The following FOXJ3 variants were observed in gnomAD, a reference collection of about 807,000 sequenced individuals.
The protein encoded by FOXJ3 is forkhead box protein J3.
Under a neutral mutation model 76.1 loss-of-function variants are expected in FOXJ3, and 22 were observed. That is an observed-to-expected ratio of 0.29 (90% CI 0.21 to 0.41). The LOEUF (loss-of-function observed/expected upper bound fraction) is 0.41. FOXJ3 is among the 10% of genes least tolerant of loss of function. The pLI is 1.00. For missense variants in FOXJ3, 613 were observed against 762.1 expected (o/e 0.80, Z 2.30); for synonymous variants, 269 against 261.2 (o/e 1.03, Z -0.29).
At position 42,191,424 on chromosome 1, in the gene FOXJ3, G is replaced by A. The variant is rs147228468; in HGVS notation, c.1230C>T (p.Leu410=). 2 of 1,612,072 alleles carry A rather than the reference G, an allele frequency of 1.2e-6. No homozygotes were observed. The highest frequency in any genetic ancestry group is 2.7e-5 in the African/African-American group (2 of 74,878). Residue 410 remains leucine (L), a synonymous_variant, in exon 9 of 13, where the codon CTC becomes CTT. Coordinates refer to ENST00000361346, the MANE Select transcript of FOXJ3 (RefSeq NM_014947.5). ...PAPHPQQHSQ[L]QSPHPQHPSP... is the part of the protein sequence containing the mutation. ...AGGGATGCTGGGGGTGAGGGGACTG[G>A]AGCTGGCTGTGTTGCTGTGGGTGTG...
chr1:42,322,937 C>T (rs2479455), intron 1 of FOXJ3, among the ~76,000 whole-genome samples: 111,824 of 151,970 alleles, frequency 0.74, 41,297 homozygotes, highest in Admixed American at 0.81. Flanking sequence ...GAGGGTTTTT[C>T]GTTTTGTTTT....
chr1:42,250,423 C>G (rs544085605), intron 4 of FOXJ3, among the ~76,000 whole-genome samples: 2 of 152,146 alleles, frequency 1.3e-5, no homozygotes, highest in Non-Finnish European at 2.9e-5. Context: ...TGTCCAGGAA[C>G]TATTAAATAA....
At chr1:42,280,224 ATAAAG>A (rs1264336114) in intron 2 of FOXJ3, 4 of 814,382 alleles carry the variant, frequency 4.9e-6, no homozygotes, top group African/African-American at 1.8e-5. Context: ...CCAATGCACT[ATAAAG>A]TAAACCACAT....
intron 1 of FOXJ3, among the ~76,000 whole-genome samples, chr1:42,331,563 A>G (rs1194693119): frequency 2.0e-5 from 3 of 152,168 alleles, no homozygotes; most frequent in African/African-American, 7.2e-5. Context: ...TCAGACACAA[A>G]AGACCGTATG....
chr1:42,252,326 T>A (rs1650159310), intron 4 of FOXJ3, among the ~76,000 whole-genome samples: 5 of 152,234 alleles, frequency 3.3e-5, no homozygotes, highest in African/African-American at 2.4e-5. Flanking sequence ...ATTCAGAGAT[T>A]CAATTTCTTC....
At chr1:42,208,530 G>C (rs959072573) in intron 5 of FOXJ3, among the ~76,000 whole-genome samples, 13 of 152,140 alleles carry the variant, frequency 8.5e-5, no homozygotes, top group Admixed American at 2.0e-4. Context: ...GGTATAGAAG[G>C]AACATTCCTC....
At position 42,271,217 on chromosome 1, in the gene FOXJ3, T is replaced by C. The variant is rs112213766; in HGVS notation, c.370-6028A>G. ...CCAAAAGTTTCTTCAATTTGCTTTT[T>C]TCTGTGTGATCACATTATTAATTCA... is the stretch of plus-strand genomic sequence containing the variant. On this transcript the variant is annotated intron_variant, in intron 3 of 12. Coordinates refer to ENST00000361346, the MANE Select transcript of FOXJ3 (RefSeq NM_014947.5). 2.9e-3 allele frequency among the ~76,000 whole-genome samples: 436 copies of C among 152,324 alleles called. 2 individuals carry two copies. The highest frequency in any genetic ancestry group is 0.01 in the African/African-American group (421 of 41,562).
intron 1 of FOXJ3, among the ~76,000 whole-genome samples, chr1:42,312,478 A>G (rs1654872512): frequency 6.6e-6 from 1 of 152,232 alleles, no homozygotes; most frequent in South Asian, 2.1e-4. Context: ...CCCTGCATAC[A>G]CTGAAGAGAG....
rs751585930 is a variant in FOXJ3, at chr1:42,179,715, C to T, written c.1864G>A (p.Val622Met). ...GTGTCTTGCAGAAACAAGCCCTACA[C>T]AATTGAATCCCAATCAAAGTCATCC... ...IQDDFDWDSI[V>M] is the part of the protein sequence containing the mutation. Residue 622 changes from valine (V) to methionine (M), a missense_variant, in exon 13 of 13, where the codon GTG (valine) becomes ATG (methionine). Physicochemically the swap from Val to Met is conservative, Grantham distance 21. Coordinates refer to ENST00000361346, the MANE Select transcript of FOXJ3 (RefSeq NM_014947.5). The T allele has an allele frequency of 1.2e-6, 2 of 1,602,204 alleles. No homozygotes were observed. Among genetic ancestry groups the T allele is most frequent in the Non-Finnish European group, 1.7e-6 (2 of 1,169,218 alleles).
chr1:42,183,467 C>T (rs1352635735), intron 11 of FOXJ3, among the ~76,000 whole-genome samples: 4 of 151,504 alleles, frequency 2.6e-5, no homozygotes, highest in East Asian at 1.9e-4. Flanking sequence ...CAAGTGTTAT[C>T]GCCTCCAAAA....
At chr1:42,196,644 G>A (rs1646656629) in intron 7 of FOXJ3, among the ~76,000 whole-genome samples, 1 of 152,182 alleles carries the variant, frequency 6.6e-6, no homozygotes, top group African/African-American at 2.4e-5. Flanking sequence ...CATAAGCTGA[G>A]AACACACCAT....
At chr1:42,221,407 C>A (rs1647183786) in intron 5 of FOXJ3, among the ~76,000 whole-genome samples, 1 of 152,162 alleles carries the variant, frequency 6.6e-6, no homozygotes, top group Admixed American at 6.5e-5. Context: ...AATATGATTT[C>A]TTGATTATCA....
At chr1:42,265,094 T>C in intron 4 of FOXJ3, 21 bp downstream of exon 4, 3 of 1,449,688 alleles carry the variant, frequency 2.1e-6, no homozygotes, top group Non-Finnish European at 2.9e-6. Context: ...AATTCAACTG[T>C]TTTAAGAAGA....
At chr1:42,321,350 A>C (rs909960840) in intron 1 of FOXJ3, among the ~76,000 whole-genome samples, 3 of 152,180 alleles carry the variant, frequency 2.0e-5, no homozygotes, top group Non-Finnish European at 2.9e-5. Flanking sequence ...AGAAATTAGT[A>C]GTCTGCCAAG....
At chr1:42,295,032 C>T (rs1000324568) in intron 2 of FOXJ3, among the ~76,000 whole-genome samples, 4 of 151,818 alleles carry the variant, frequency 2.6e-5, no homozygotes, top group Admixed American at 2.0e-4. Context: ...TTGATGTATC[C>T]AGAGTTAGTT....
intron 4 of FOXJ3, among the ~76,000 whole-genome samples, chr1:42,241,877 C>T (rs1299225868): frequency 6.6e-6 from 1 of 152,222 alleles, no homozygotes; most frequent in Non-Finnish European, 1.5e-5. Context: ...CAGTAACATC[C>T]AACCCACCAC....
intron 3 of FOXJ3, among the ~76,000 whole-genome samples, chr1:42,272,103 A>G (rs1235402493): frequency 6.6e-6 from 1 of 152,244 alleles, no homozygotes; most frequent in Admixed American, 6.5e-5. Flanking sequence ...AGTCCTTTTA[A>G]GCAACAGGGG....
intron 3 of FOXJ3, among the ~76,000 whole-genome samples, chr1:42,273,482 T>C (rs1230605830): frequency 6.6e-6 from 1 of 152,032 alleles, no homozygotes; most frequent in Non-Finnish European, 1.5e-5. Flanking sequence ...GGAACCAGCC[T>C]GGCCAACATG....
chr1:42,181,780 T>C (rs1052978610), intron 12 of FOXJ3, 137 bp downstream of exon 12: 11 of 560,198 alleles, frequency 2.0e-5, no homozygotes, highest in Admixed American at 3.5e-5. Context: ...CACACACACA[T>C]GCTTCTCAAT....
Sources: gnomAD v4.1 joint callset for allele counts (sites outside exome capture counted in the v4.1 genomes callset) on GRCh38, gnomAD v4.1.1 for gene constraint, MANE v1.5 for transcripts, NCBI Gene and HGNC (gene_info 2026-07-23, HGNC 2026-07-21) for gene names.